The following ZNF423 variants were observed in gnomAD, a reference collection of about 807,000 sequenced individuals.
The protein encoded by ZNF423 is zinc finger protein 423, also known as Ebf-associated zinc finger protein.
In ZNF423, 12 loss-of-function variants were observed where a neutral mutation model predicts 95.8. The observed-to-expected ratio is 0.13, with a 90% CI of 0.08 to 0.20. The LOEUF (loss-of-function observed/expected upper bound fraction) is 0.20. ZNF423 is among the 10% of genes least tolerant of loss of function. The probability of loss-of-function intolerance (pLI) is 1.00; values close to 1 mark genes in which losing one functional copy is unlikely to be tolerated. For synonymous variants in ZNF423, 749 were observed against 711.9 expected, an observed-to-expected ratio of 1.05 and a Z score of -0.83; for missense variants, 1,316 against 1,737.1, an observed-to-expected ratio of 0.76 and a Z score of 4.31.
At chr16:49,765,892 G>A (rs1218535774) in intron 2 of ZNF423, among the ~76,000 whole-genome samples, 1 of 152,122 alleles carries the variant, frequency 6.6e-6, no homozygotes, top group East Asian at 1.9e-4. Flanking sequence ...CATACAGATA[G>A]ACAGTAGAAT....
At chr16:49,744,490 C>T (rs1265236386) in intron 2 of ZNF423, among the ~76,000 whole-genome samples, 2 of 151,910 alleles carry the variant, frequency 1.3e-5, no homozygotes, top group Non-Finnish European at 2.9e-5. Context: ...CCAGCACACA[C>T]GAGGCCAGGC....
chr16:49,854,151 T>G, intron 1 of ZNF423: 1 of 985,348 alleles, frequency 1.0e-6, no homozygotes, highest in Non-Finnish European at 1.2e-6. Flanking sequence ...CAGAACACCC[T>G]CTGAACCCCC....
chr16:49,720,886 A>G (rs1473544951), intron 3 of ZNF423, among the ~76,000 whole-genome samples: 5 of 152,190 alleles, frequency 3.3e-5, no homozygotes, highest in Non-Finnish European at 7.3e-5. Flanking sequence ...GACCCTTGCT[A>G]ACATGTATGT....
At chr16:49,745,426 T>C (rs2033501216) in intron 2 of ZNF423, among the ~76,000 whole-genome samples, 1 of 152,220 alleles carries the variant, frequency 6.6e-6, no homozygotes. Flanking sequence ...AAGGCACTTG[T>C]TATGAAGGAA....
intron 1 of ZNF423, among the ~76,000 whole-genome samples, chr16:49,800,708 C>A (rs2034569787): frequency 6.6e-6 from 1 of 152,210 alleles, no homozygotes; most frequent in South Asian, 2.1e-4. Flanking sequence ...ACTGGCTCCC[C>A]TTCCATCCTC....
chr16:49,709,563 G>C (rs2032478538), intron 3 of ZNF423, among the ~76,000 whole-genome samples: 1 of 152,124 alleles, frequency 6.6e-6, no homozygotes, highest in South Asian at 2.1e-4. Context: ...CCGCCCTTCA[G>C]GAGCATTTTT....
intron 1 of ZNF423, among the ~76,000 whole-genome samples, chr16:49,819,858 C>G (rs1367503207): frequency 1.3e-5 from 2 of 152,242 alleles, no homozygotes; most frequent in Admixed American, 1.3e-4. Flanking sequence ...GTACAGTACT[C>G]AATAAATTAC....
At position 49,827,685 on chromosome 16, in the gene ZNF423, T is replaced by A. The variant is rs2035020460; in HGVS notation, c.40+28050A>T. On this transcript the variant is annotated intron_variant, in intron 1 of 7. Coordinates refer to ENST00000563137, the MANE Select transcript of ZNF423 (RefSeq NM_001379286.1). ...CATGTGCCACCACGCCAGGCTAATT[T>A]TTGCATTTTTATGTTTTGTAGCAAT... Among the ~76,000 whole-genome samples, 4 of 152,168 alleles carry A rather than the reference T, an allele frequency of 2.6e-5. No individual in the cohort carries two copies. The South Asian group carries it at 8.3e-4, about 32-fold the overall frequency.
intron 3 of ZNF423, among the ~76,000 whole-genome samples, chr16:49,681,013 G>A (rs542059491): frequency 1.3e-5 from 2 of 152,316 alleles, no homozygotes; most frequent in East Asian, 3.9e-4. Context: ...TCTAAGAAAT[G>A]TCGGTGTCCA....
chr16:49,792,906 C>G (rs1016895806), intron 1 of ZNF423, among the ~76,000 whole-genome samples: 1 of 151,904 alleles, frequency 6.6e-6, no homozygotes, highest in Non-Finnish European at 1.5e-5. Flanking sequence ...AGACTATAAG[C>G]GTGTGCCACT....
chr16:49,743,194 A>G (rs1218655190), intron 2 of ZNF423, among the ~76,000 whole-genome samples: 2 of 152,096 alleles, frequency 1.3e-5, no homozygotes, highest in Non-Finnish European at 2.9e-5. Flanking sequence ...AAAGAGCCTC[A>G]CTGTCAAAAT....
chr16:49,644,916 C>T (rs1973120901), intron 3 of ZNF423, among the ~76,000 whole-genome samples: 1 of 152,058 alleles, frequency 6.6e-6, no homozygotes, highest in Non-Finnish European at 1.5e-5. Context: ...GGGCAACGGG[C>T]AGAGAGTCCA....
chr16:49,675,034 C>T (rs1015899684), intron 3 of ZNF423, among the ~76,000 whole-genome samples: 2 of 152,136 alleles, frequency 1.3e-5, no homozygotes, highest in African/African-American at 4.8e-5. Flanking sequence ...AGCGGGAGGC[C>T]TGTGGTGTGT....
intron 2 of ZNF423, among the ~76,000 whole-genome samples, chr16:49,774,816 A>T (rs150823650): frequency 5.3e-4 from 81 of 152,272 alleles, no homozygotes; most frequent in African/African-American, 1.9e-3. Context: ...AGCTTCCCAA[A>T]CTGTGTTCCA....
intron 2 of ZNF423, among the ~76,000 whole-genome samples, chr16:49,743,730 T>C (rs954114240): frequency 6.6e-6 from 1 of 151,640 alleles, no homozygotes; most frequent in Non-Finnish European, 1.5e-5. Flanking sequence ...CCACCAATGA[T>C]CCTCCTACCA....
Position 49,855,125 on chromosome 16 carries a change from G to A in ZNF423, c.40+610C>T. The A allele has an allele frequency of 1.1e-6, 1 of 872,600 alleles. No homozygotes were observed. Among genetic ancestry groups the A allele is most frequent in the African/African-American group, 1.8e-5 (1 of 54,768 alleles). The allele number at this position is 872,600 out of a possible 1,614,324, so 54.1% of individuals were successfully genotyped here. A position where few individuals can be genotyped will look rare whatever the true frequency, so the allele number is the denominator to read the frequency against. On this transcript the variant is annotated intron_variant, in intron 1 of 7. Transcript: ENST00000563137. The surrounding 1 kb of genome is among the most constrained non-coding windows in gnomAD (Gnocchi z 4.7). Reference sequence around the variant, plus strand: ...AGTGCAGGGGCCCGGGCCGGGAGAAGGCCTGGGCAGGGGCGGGAGGGGGCG... The same window carrying A: ...AGTGCAGGGGCCCGGGCCGGGAGAAAGCCTGGGCAGGGGCGGGAGGGGGCG...
intron 5 of ZNF423, among the ~76,000 whole-genome samples, chr16:49,582,064 A>G (rs1204889410): frequency 6.6e-6 from 1 of 152,188 alleles, no homozygotes. Flanking sequence ...CTGCACACCC[A>G]TGCAACTCAC....
intron 2 of ZNF423, among the ~76,000 whole-genome samples, chr16:49,776,118 G>T (rs1567337626): frequency 6.6e-6 from 1 of 152,218 alleles, no homozygotes; most frequent in South Asian, 2.1e-4. Context: ...CAATGAAGAT[G>T]GTGGGAGCAC....
intron 2 of ZNF423, among the ~76,000 whole-genome samples, chr16:49,769,324 C>G (rs1209155043): frequency 2.7e-5 from 4 of 149,700 alleles, no homozygotes; most frequent in Middle Eastern, 3.4e-3. Flanking sequence ...CAATGCACTC[C>G]AGCCTGGGCA....
Sources: allele counts gnomAD v4.1 joint callset (sites outside exome capture counted in the v4.1 genomes callset), GRCh38; gene constraint gnomAD v4.1.1; non-coding constraint Gnocchi (gnomAD v3.1); transcripts MANE v1.5; gene names NCBI Gene and HGNC (gene_info 2026-07-23, HGNC 2026-07-21).